RIT2: variants seen among roughly 807,000 people sequenced by gnomAD.
The protein encoded by RIT2 is Ras like without CAAX 2.
Under a neutral mutation model 23.7 loss-of-function variants are expected in RIT2, and 24 were observed. The observed-to-expected ratio is 1.01, with a 90% CI of 0.73 to 1.43. The LOEUF (loss-of-function observed/expected upper bound fraction) is 1.43, where lower values mean the gene tolerates loss of function less well. RIT2 is among the 40% of genes most tolerant of loss of function. The pLI is 0.00. For synonymous variants in RIT2, 107 were observed against 91.1 expected (o/e 1.17, Z -0.99); for missense variants, 236 against 266.9 (o/e 0.88, Z 0.81).
intron 3 of RIT2, among the ~76,000 whole-genome samples, chr18:42,925,665 A>G (rs932117515): frequency 6.6e-6 from 1 of 151,802 alleles, no homozygotes; most frequent in Non-Finnish European, 1.5e-5. Flanking sequence ...AGATATATCT[A>G]GTACTAATTT....
chr18:43,016,551 G>C (rs1019863396), intron 2 of RIT2, among the ~76,000 whole-genome samples: 3 of 151,530 alleles, frequency 2.0e-5, no homozygotes, highest in Non-Finnish European at 4.4e-5. Flanking sequence ...TATAAAATAA[G>C]ACGTTTTATC....
chr18:42,758,850 C>A (rs1271015198), intron 4 of RIT2, among the ~76,000 whole-genome samples: 1 of 151,994 alleles, frequency 6.6e-6, no homozygotes, highest in African/African-American at 2.4e-5. Context: ...TCTGAATATT[C>A]TGATGTTTGA....
intron 1 of RIT2, among the ~76,000 whole-genome samples, chr18:43,083,010 C>T (rs527759548): frequency 1.3e-5 from 2 of 152,262 alleles, no homozygotes; most frequent in African/African-American, 4.8e-5. Context: ...CCTCCTTAAG[C>T]TGATAAGCAA....
chr18:42,855,808 C>T (rs918097644), intron 4 of RIT2, among the ~76,000 whole-genome samples: 2 of 152,158 alleles, frequency 1.3e-5, no homozygotes, highest in South Asian at 2.1e-4. Context: ...TTACTAATTA[C>T]ATCACATGCT....
intron 1 of RIT2, among the ~76,000 whole-genome samples, chr18:43,060,087 A>G (rs1001919680): frequency 2.0e-5 from 3 of 152,134 alleles, no homozygotes; most frequent in African/African-American, 7.2e-5. Context: ...TAAATAATTA[A>G]CTTGAAAAGA....
At chr18:43,071,772 A>G (rs1010014562) in intron 1 of RIT2, among the ~76,000 whole-genome samples, 1 of 151,992 alleles carries the variant, frequency 6.6e-6, no homozygotes, top group Non-Finnish European at 1.5e-5. Context: ...TACCTTCTTT[A>G]TTTTGTATTT....
At chr18:43,090,565 C>A (rs971973600) in intron 1 of RIT2, among the ~76,000 whole-genome samples, 3 of 152,068 alleles carry the variant, frequency 2.0e-5, no homozygotes, top group South Asian at 4.1e-4. Context: ...GAGACACATG[C>A]ACATGTATGT....
intron 3 of RIT2, among the ~76,000 whole-genome samples, chr18:42,966,172 A>T (rs1190121843): frequency 6.6e-6 from 1 of 152,172 alleles, no homozygotes; most frequent in Admixed American, 6.5e-5. Flanking sequence ...AATTGACTTC[A>T]GAGTTTCTGC....
chr18:42,929,034 GATATATATATAT>G (rs770619793), intron 3 of RIT2, among the ~76,000 whole-genome samples: 28 of 96,946 alleles, frequency 2.9e-4, no homozygotes, highest in African/African-American at 9.1e-4. Context: ...AAAATATGGA[GATATATATATAT>G]ATATATATAT....
rs1010197102 is a variant in RIT2, at chr18:42,875,667, AC to A, written c.426+47904del. On this transcript the variant is annotated intron_variant, in intron 4 of 4. Coordinates refer to ENST00000326695, the MANE Select transcript of RIT2 (RefSeq NM_002930.4). ...ATTGGAAACCAGGAATATTTTTATT[AC>A]CAGTACAGATAGCTTCAGAAAAAAT... Among the ~76,000 whole-genome samples, 36 of 152,148 alleles carry A rather than the reference AC, an allele frequency of 2.4e-4. 1 individual carries two copies. Among genetic ancestry groups the A allele is most frequent in the Admixed American group, 2.3e-3 (35 of 15,252 alleles).
chr18:42,749,249 A>T (rs545798518), intron 4 of RIT2, among the ~76,000 whole-genome samples: 1 of 152,066 alleles, frequency 6.6e-6, no homozygotes, highest in Admixed American at 6.5e-5. Flanking sequence ...AATTATAAAA[A>T]CATTTTCAAA....
At chr18:42,877,591 T>C (rs1253334152) in intron 4 of RIT2, among the ~76,000 whole-genome samples, 1 of 151,118 alleles carries the variant, frequency 6.6e-6, no homozygotes, top group Non-Finnish European at 1.5e-5. Context: ...GATTTATGTG[T>C]GTATATATGC....
At chr18:43,013,704 T>A (rs948716744) in intron 2 of RIT2, among the ~76,000 whole-genome samples, 2 of 151,574 alleles carry the variant, frequency 1.3e-5, no homozygotes, top group African/African-American at 4.8e-5. Flanking sequence ...AGTAACTATC[T>A]GTATGATGCA....
At chr18:43,083,501 C>G (rs778959096) in intron 1 of RIT2, among the ~76,000 whole-genome samples, 5 of 152,006 alleles carry the variant, frequency 3.3e-5, no homozygotes, top group Non-Finnish European at 7.4e-5. Context: ...TACAGTAACC[C>G]AAACAGCGTG....
At chr18:42,874,344 G>T (rs753129917) in intron 4 of RIT2, among the ~76,000 whole-genome samples, 1 of 152,062 alleles carries the variant, frequency 6.6e-6, no homozygotes. Flanking sequence ...CTATGTAAAA[G>T]AAGTTTTCTT....
intron 4 of RIT2, among the ~76,000 whole-genome samples, chr18:42,811,537 A>G (rs895827523): frequency 6.6e-6 from 1 of 152,126 alleles, no homozygotes; most frequent in Non-Finnish European, 1.5e-5. Flanking sequence ...GTTGAACTCC[A>G]TATTTAGCTT....
intron 1 of RIT2, among the ~76,000 whole-genome samples, chr18:43,100,885 T>C (rs1243152359): frequency 6.6e-6 from 1 of 151,902 alleles, no homozygotes; most frequent in Non-Finnish European, 1.5e-5. Context: ...GTGCCATCAC[T>C]GCCTTCTCCC....
chr18:42,810,498 G>A (rs891461690), intron 4 of RIT2, among the ~76,000 whole-genome samples: 4 of 150,598 alleles, frequency 2.7e-5, no homozygotes, highest in Admixed American at 1.3e-4. Context: ...CCTAATTAAC[G>A]TAATCAGCAC....
rs142727873 is a variant in RIT2 at position 42,934,209 on chromosome 18, CTT to C, written c.235-10448_235-10447del. Among the ~76,000 whole-genome samples the C allele has an allele frequency of 4.9e-3, 749 of 152,112 alleles. 9 individuals carry two copies. The highest frequency in any genetic ancestry group is 0.017 in the African/African-American group (717 of 41,508). ...TTGTTTGTTCTATATTATTTCAACT[CTT>C]TGCAGTAACTGTGCTCAATCAAATA... On this transcript the variant is annotated intron_variant, in intron 3 of 4. Transcript: ENST00000326695.
Sources: allele counts gnomAD v4.1 joint callset (sites outside exome capture counted in the v4.1 genomes callset), GRCh38; gene constraint gnomAD v4.1.1; transcripts MANE v1.5; gene names NCBI Gene and HGNC (gene_info 2026-07-23, HGNC 2026-07-21).